IL15RA: variants seen among roughly 807,000 people sequenced by gnomAD.
IL15RA encodes the protein interleukin 15 receptor subunit alpha, also known as interleukin-15 receptor subunit alpha.
IL15RA carries 26 observed loss-of-function variants against 24.2 expected under a neutral mutation model. The observed-to-expected ratio is 1.07, with a 90% confidence interval of 0.79 to 1.49. The LOEUF is 1.49. Ranked by LOEUF, IL15RA falls within the 40% of genes most tolerant of loss-of-function variation. IL15RA has a pLI of 0.00. For synonymous variants in IL15RA, 166 were observed against 157.6 expected (o/e 1.05, Z -0.40); for missense variants, 354 against 356.4 (o/e 0.99, Z 0.05).
At chr10:5,954,897 C>A (rs567075577) in intron 6 of IL15RA, among the ~76,000 whole-genome samples, 1 of 152,018 alleles carries the variant, frequency 6.6e-6, no homozygotes, top group South Asian at 2.1e-4. Context: ...TTTTTGAATT[C>A]TTTGGACAAA....
rs8177718 is a variant in IL15RA, at chr10:5,956,426, C to G, written c.645G>C (p.Leu215=). ...GGAGAGACACAGCGCTCAGCCCACA[C>G]AGCAGGACAGTGGACGTGGAGATAG... ...TVAISTSTVL[L]CGLSAVSLLA... Residue 215 remains leucine, a synonymous_variant, in exon 6 of 7, where the codon CTG becomes CTC. Transcript: ENST00000379977. 1.5e-3 allele frequency: 2,490 copies of G among 1,614,122 alleles called. 33 individuals are homozygous for G. In the African/African-American group the frequency reaches 0.03, roughly 19 times the overall value.
In IL15RA at chr10:5,955,873, G is replaced by A. The variant is rs1379062233; in HGVS notation, c.692+506C>T. On this transcript the variant is annotated intron_variant, in intron 6 of 6. Transcript: ENST00000379977. This position sits in a 1 kb window ranked among gnomAD's most constrained non-coding sequence, Gnocchi z 5.3. Reference sequence around the variant, plus strand: ...CATTTCTACCATGAGCAGGGGTAGGGGGCACTTGGGCTTGGGCCTAGCTCA... The same window carrying A: ...CATTTCTACCATGAGCAGGGGTAGGAGGCACTTGGGCTTGGGCCTAGCTCA... Among the ~76,000 whole-genome samples the A allele has an allele frequency of 6.6e-6, 1 of 152,170 alleles. No homozygotes were observed. Among genetic ancestry groups the A allele is most frequent in the Non-Finnish European group, 1.5e-5 (1 of 68,034 alleles).
In IL15RA at chr10:5,975,311, T is replaced by C. The variant is rs1303267990; in HGVS notation, c.88+2094A>G. Among the ~76,000 whole-genome samples, 1 of 152,238 alleles carries C rather than the reference T, an allele frequency of 6.6e-6. No individual in the cohort carries two copies. Among genetic ancestry groups the C allele is most frequent in the Non-Finnish European group, 1.5e-5 (1 of 68,048 alleles). On this transcript the variant is annotated intron_variant, in intron 1 of 6. Coordinates refer to ENST00000379977, the MANE Select transcript of IL15RA (RefSeq NM_002189.4). The surrounding 1 kb of genome is among the most constrained non-coding windows in gnomAD (Gnocchi z 4.8). ...ATGGATAAATTCTCAGGATAATTAC[T>C]GTCTGTGAAAAAAGCCAAACAAGAA...
Position 5,962,734 on chromosome 10 carries a change from T to C in IL15RA, c.382+1009A>G, listed in dbSNP as rs541664861. On this transcript the variant is annotated intron_variant, in intron 3 of 6. Transcript: ENST00000379977. This position sits in a 1 kb window ranked among gnomAD's most constrained non-coding sequence, Gnocchi z 5.2. Reference sequence around the variant, plus strand: ...CTCCGCAAAGGATGGCTGAGTCCTGTAGTATGAATGACAACAGACAGGCCC... The same window carrying C: ...CTCCGCAAAGGATGGCTGAGTCCTGCAGTATGAATGACAACAGACAGGCCC... Among the ~76,000 whole-genome samples the C allele has an allele frequency of 6.6e-6, 1 of 152,058 alleles. No individual in the cohort carries two copies. The highest frequency in any genetic ancestry group is 1.9e-4 in the East Asian group (1 of 5,182).
intron 5 of IL15RA, among the ~76,000 whole-genome samples, chr10:5,957,507 C>G (rs41294149): frequency 0.032 from 4,876 of 151,918 alleles, 119 homozygotes; most frequent in East Asian, 0.074. Flanking sequence ...AACTCCTGAC[C>G]TCGTGATCCG....
In IL15RA at chr10:5,966,161, G is replaced by C; in HGVS notation, c.267C>G (p.Pro89=). The C allele has an allele frequency of 6.2e-7, 1 of 1,608,754 alleles. No individual in the cohort carries two copies. Among genetic ancestry groups the C allele is most frequent in the Non-Finnish European group, 8.5e-7 (1 of 1,175,390 alleles). The change falls in exon 2 of 7, where the codon CCC becomes CCG. Residue 89 remains proline, a synonymous_variant. Transcript: ENST00000379977. This position sits in a 1 kb window ranked among gnomAD's most constrained non-coding sequence, Gnocchi z 6.4. ...GCTACTCACTAATGCATTTGAGACT[G>C]GGGGTTGTCCAGTGGGCGACATTCG... is the stretch of plus-strand genomic sequence containing the variant. The part of the protein sequence containing the change: ...KATNVAHWTT[P]SLKCIRDPAL...
chr10:5,958,051 A>G lies in IL15RA; in HGVS notation c.617-1597T>C, dbSNP rs917265630. ...ATGTTCTTGCACCTATGGATTTTCA[A>G]TTAATGGCTGTTTGTAAGATAACAA... On this transcript the variant is annotated intron_variant, in intron 5 of 6. Transcript: ENST00000379977. This position sits in a 1 kb window ranked among gnomAD's most constrained non-coding sequence, Gnocchi z 4.3. Among the ~76,000 whole-genome samples, 1 of 152,222 alleles carries G rather than the reference A, an allele frequency of 6.6e-6. No individual in the cohort carries two copies. The highest frequency in any genetic ancestry group is 2.4e-5 in the African/African-American group (1 of 41,472).
Position 5,953,045 on chromosome 10 carries a change from G to T in IL15RA, c.*50C>A. ...CTCTTCTCAGTCGTCTTTAGCTAAA[G>T]CAGAGAGGCTCCTTCACTCCGGACT... On this transcript the variant is annotated 3_prime_UTR_variant, in exon 7 of 7. Transcript: ENST00000379977. The surrounding 1 kb of genome is among the most constrained non-coding windows in gnomAD (Gnocchi z 5.3). 2 of 1,352,832 alleles carry T rather than the reference G, an allele frequency of 1.5e-6. No individual in the cohort carries two copies. Among genetic ancestry groups the T allele is most frequent in the Non-Finnish European group, 2.1e-6 (2 of 942,914 alleles). 83.8% of individuals were successfully genotyped at this position (1,352,832 alleles called of 1,614,324 possible).
In IL15RA at chr10:5,953,483, G is replaced by C. The variant is rs1472462837; in HGVS notation, c.693-277C>G. ...TTTAGGAGGCTGTCGTGGGAGGATC[G>C]CTTGAGCCCAGAAGTTCAAGACCAA... On this transcript the variant is annotated intron_variant, in intron 6 of 6. Transcript: ENST00000379977. The surrounding 1 kb of genome is among the most constrained non-coding windows in gnomAD (Gnocchi z 5.3). Among the ~76,000 whole-genome samples, 1 of 152,064 alleles carries C rather than the reference G, an allele frequency of 6.6e-6. No individual in the cohort carries two copies. The highest frequency in any genetic ancestry group is 2.1e-4 in the South Asian group (1 of 4,826).
Position 5,968,214 on chromosome 10 carries a change from G to A in IL15RA, c.89-1875C>T, listed in dbSNP as rs1471427773. Among the ~76,000 whole-genome samples the A allele has an allele frequency of 1.3e-5, 2 of 152,150 alleles. No homozygotes were observed. Among genetic ancestry groups the A allele is most frequent in the East Asian group, 3.8e-4 (2 of 5,200 alleles). The stretch of plus-strand genomic sequence containing the variant: ...ATGGCCTAACTGGGCAAAGGACACA[G>A]TGGGTGAGTCACAAGAGAGCCATCA... On this transcript the variant is annotated intron_variant, in intron 1 of 6. Coordinates refer to ENST00000379977, the MANE Select transcript of IL15RA (RefSeq NM_002189.4). This position sits in a 1 kb window ranked among gnomAD's most constrained non-coding sequence, Gnocchi z 5.4.
intron 1 of IL15RA, among the ~76,000 whole-genome samples, chr10:5,976,682 T>G (rs1282340060): frequency 6.6e-6 from 1 of 152,008 alleles, no homozygotes; most frequent in Non-Finnish European, 1.5e-5. Flanking sequence ...CATTCCGTCC[T>G]CCCTGCCGAG....
chr10:5,958,172 A>G lies in IL15RA; in HGVS notation c.616+1582T>C, dbSNP rs897399485. On this transcript the variant is annotated intron_variant, in intron 5 of 6. Coordinates refer to ENST00000379977, the MANE Select transcript of IL15RA (RefSeq NM_002189.4). The surrounding 1 kb of genome is among the most constrained non-coding windows in gnomAD (Gnocchi z 4.3). ...TATTCTGTAGCTGTTAAAAACGATG[A>G]GATGGTTTTTGTGTCCTGATATGGG... is the stretch of plus-strand genomic sequence containing the variant. 29 of 329,898 alleles carry G rather than the reference A, an allele frequency of 8.8e-5. No homozygotes were observed. Among genetic ancestry groups the G allele is most frequent in the African/African-American group, 5.2e-4 (24 of 46,478 alleles). The allele number at this position is 329,898 out of a possible 1,614,324, so 20.4% of individuals were successfully genotyped here. A position where few individuals can be genotyped will look rare whatever the true frequency, so the allele number is the denominator to read the frequency against.
Position 5,965,973 on chromosome 10 carries a change from G to A in IL15RA, c.283+172C>T, listed in dbSNP as rs1351678995. ...TGACTTCAAGTGATCCTCCCGCCTC[G>A]GCCTCCCAAAGTGCTGGGATTACAG... On this transcript the variant is annotated intron_variant, in intron 2 of 6. Transcript: ENST00000379977. This position sits in a 1 kb window ranked among gnomAD's most constrained non-coding sequence, Gnocchi z 5.8. 6.6e-6 allele frequency among the ~76,000 whole-genome samples: 1 copy of A among 152,030 alleles called. No individual in the cohort carries two copies. Among genetic ancestry groups the A allele is most frequent in the African/African-American group, 2.4e-5 (1 of 41,376 alleles).
intron 6 of IL15RA, among the ~76,000 whole-genome samples, chr10:5,954,505 G>T (rs1446702301): frequency 5.3e-5 from 8 of 151,978 alleles, no homozygotes; most frequent in Non-Finnish European, 1.2e-4. Context: ...TGTTGTCCAG[G>T]CTGGTCTCAA....
At chr10:5,972,297 A>T (rs1385604574) in intron 1 of IL15RA, among the ~76,000 whole-genome samples, 2 of 152,212 alleles carry the variant, frequency 1.3e-5, no homozygotes, top group Admixed American at 1.3e-4. Flanking sequence ...AGCAACACTG[A>T]TATGACTCCC....
chr10:5,969,054 AATC>A (rs1837114533), intron 1 of IL15RA: 3 of 1,249,248 alleles, frequency 2.4e-6, no homozygotes, highest in African/African-American at 3.0e-5. Flanking sequence ...CTGACTCACC[AATC>A]GATTCCATCG....
upstream of IL15RA, chr10:5,977,779 A>C: frequency 8.5e-6 from 5 of 586,436 alleles, no homozygotes; most frequent in African/African-American, 1.9e-5. Context: ...GACCTTACCC[A>C]CGCAAGCCCG....
chr10:5,965,935 G>C lies in IL15RA; in HGVS notation c.283+210C>G, dbSNP rs191901526. ...GGGGTTTCACCATGTTGGCCGGGCTGATCTGGAACTCCTGACTTCAAGTGA... is the reference window on the plus strand; with the variant it reads ...GGGGTTTCACCATGTTGGCCGGGCTCATCTGGAACTCCTGACTTCAAGTGA... On this transcript the variant is annotated intron_variant, in intron 2 of 6. Coordinates refer to ENST00000379977, the MANE Select transcript of IL15RA (RefSeq NM_002189.4). This position sits in a 1 kb window ranked among gnomAD's most constrained non-coding sequence, Gnocchi z 5.8. Among the ~76,000 whole-genome samples, 20 of 152,220 alleles carry C rather than the reference G, an allele frequency of 1.3e-4. No individual in the cohort carries two copies. Among genetic ancestry groups the C allele is most frequent in the African/African-American group, 4.6e-4 (19 of 41,554 alleles).
intron 6 of IL15RA, 133 bp downstream of exon 6, chr10:5,956,246 C>G: frequency 1.5e-6 from 1 of 676,956 alleles, no homozygotes; most frequent in Admixed American, 2.2e-5. Flanking sequence ...AACTCCTGAC[C>G]TCAAGTGATC....
Sources: allele counts gnomAD v4.1 joint callset (sites outside exome capture counted in the v4.1 genomes callset), GRCh38; gene constraint gnomAD v4.1.1; non-coding constraint Gnocchi (gnomAD v3.1); transcripts MANE v1.5; gene names NCBI Gene and HGNC (gene_info 2026-07-23, HGNC 2026-07-21).